Variants in CDH7 observed in about 807,000 individuals in gnomAD.
CDH7 encodes the protein cadherin 7.
Under a neutral mutation model 71.8 loss-of-function variants are expected in CDH7, and 25 were observed. The ratio of observed to expected loss-of-function variants is 0.35; its 90% CI spans 0.25 to 0.49. The LOEUF (loss-of-function observed/expected upper bound fraction) is 0.49. Among genes scored for constraint, CDH7 ranks in the 20% least tolerant of loss-of-function variants. The pLI, the probability that CDH7 is intolerant of heterozygous loss-of-function variation, is 0.99. For missense variants in CDH7, 862 were observed against 974.6 expected, an observed-to-expected ratio of 0.88 and a Z score of 1.54; for synonymous variants, 381 against 363.8, an observed-to-expected ratio of 1.05 and a Z score of -0.54.
At chr18:65,815,749 A>G (rs1256852833) in intron 4 of CDH7, among the ~76,000 whole-genome samples, 1 of 152,196 alleles carries the variant, frequency 6.6e-6, no homozygotes, top group Non-Finnish European at 1.5e-5. Flanking sequence ...GGAGAAGTAA[A>G]TGAAAGTATT....
At chr18:65,843,414 C>T (rs1351533550) in intron 6 of CDH7, among the ~76,000 whole-genome samples, 2 of 152,012 alleles carry the variant, frequency 1.3e-5, no homozygotes, top group African/African-American at 4.8e-5. Flanking sequence ...ATGAGAAATT[C>T]AATAGAAAGT....
chr18:65,814,652 G>C, intron 4 of CDH7, 48 bp downstream of exon 4: 21 of 1,539,398 alleles, frequency 1.4e-5, no homozygotes, highest in Non-Finnish European at 1.9e-5. Context: ...TTTGTTTGCT[G>C]CTTAGAATTA....
At chr18:65,760,193 T>A (rs1222044572) in intron 1 of CDH7, among the ~76,000 whole-genome samples, 2 of 152,214 alleles carry the variant, frequency 1.3e-5, no homozygotes, top group African/African-American at 4.8e-5. Context: ...ACTATTTTTA[T>A]CATCTCATGA....
chr18:65,843,081 T>C (rs1177019666), intron 6 of CDH7, among the ~76,000 whole-genome samples: 1 of 152,200 alleles, frequency 6.6e-6, no homozygotes, highest in Non-Finnish European at 1.5e-5. Context: ...ACTAGTTTAA[T>C]TGTCCTTACA....
chr18:65,816,718 C>T (rs1911736597), intron 4 of CDH7, among the ~76,000 whole-genome samples: 2 of 152,100 alleles, frequency 1.3e-5, no homozygotes, highest in African/African-American at 4.8e-5. Context: ...GTCAATTTCT[C>T]CTTCCCCCAA....
rs761755570 is a variant in CDH7 at position 65,763,592 on chromosome 18, GGGGTGTGTGTGTGTGTGTGT to G, written c.210+542_210+561del. Among the ~76,000 whole-genome samples the G allele has an allele frequency of 3.0e-3, 395 of 131,104 alleles. 3 individuals are homozygous for G. The highest frequency in any genetic ancestry group is 5.3e-3 in the Non-Finnish European group (314 of 59,184). 86.0% of individuals were successfully genotyped at this position (131,104 alleles called of 152,430 possible). A position where few individuals can be genotyped will look rare whatever the true frequency, so the allele number is the denominator to read the frequency against. On this transcript the variant is annotated intron_variant, in intron 2 of 11. Transcript: ENST00000397968. ...TTCTTAGCAGTCTTGTTTTGATAGG[GGGGTGTGTGTGTGTGTGTGT>G]GTGTGTGTGTGTGTGTGTGTTAGGT...
intron 1 of CDH7, among the ~76,000 whole-genome samples, chr18:65,760,334 T>C (rs537593605): frequency 6.6e-6 from 1 of 152,304 alleles, no homozygotes; most frequent in East Asian, 1.9e-4. Flanking sequence ...AAGACATGAC[T>C]GACCCAGAAT....
intron 2 of CDH7, among the ~76,000 whole-genome samples, chr18:65,797,789 C>G (rs1377784525): frequency 6.6e-6 from 1 of 152,156 alleles, no homozygotes; most frequent in East Asian, 1.9e-4. Context: ...TATTTTCCCT[C>G]TTTTATAGCT....
chr18:65,819,428 C>G (rs1388853158), intron 4 of CDH7, among the ~76,000 whole-genome samples: 1 of 152,144 alleles, frequency 6.6e-6, no homozygotes, highest in Non-Finnish European at 1.5e-5. Context: ...TGAATTCTTT[C>G]TTGGGCAAAG....
At chr18:65,866,644 C>T (rs1353756252) in intron 11 of CDH7, among the ~76,000 whole-genome samples, 1 of 152,132 alleles carries the variant, frequency 6.6e-6, no homozygotes, top group Non-Finnish European at 1.5e-5. Flanking sequence ...TCCTTATTCT[C>T]AATCACTGAT....
chr18:65,856,719 G>A lies in CDH7; in HGVS notation c.1236-1097G>A, dbSNP rs56268429. 1.6e-4 allele frequency among the ~76,000 whole-genome samples: 25 copies of A among 151,986 alleles called. No individual in the cohort carries two copies. The South Asian group carries it at 2.7e-3, about 16-fold the overall frequency. On this transcript the variant is annotated intron_variant, in intron 7 of 11. Coordinates refer to ENST00000397968, the MANE Select transcript of CDH7 (RefSeq NM_004361.5). ...GTGTTTTTTTCCTGTTTGTTCTTTC[G>A]TTCATTTGTTCGTTTAATTGTTTGT...
At chr18:65,773,396 T>A (rs187212782) in intron 2 of CDH7, among the ~76,000 whole-genome samples, 1 of 152,280 alleles carries the variant, frequency 6.6e-6, no homozygotes, top group Non-Finnish European at 1.5e-5. Flanking sequence ...TGTCTTGGGC[T>A]TTGAAACTCA....
chr18:65,809,026 A>G (rs1017654362), intron 2 of CDH7, among the ~76,000 whole-genome samples: 4 of 152,200 alleles, frequency 2.6e-5, no homozygotes, highest in African/African-American at 9.6e-5. Context: ...TTGATCATGC[A>G]AATCTAATGC....
chr18:65,772,887 A>G, intron 2 of CDH7, among the ~76,000 whole-genome samples: 1 of 152,162 alleles, frequency 6.6e-6, no homozygotes, highest in East Asian at 1.9e-4. Flanking sequence ...CGATCCAATT[A>G]AGATTTCACA....
chr18:65,823,128 A>G (rs1014803276), intron 5 of CDH7, among the ~76,000 whole-genome samples: 18 of 151,920 alleles, frequency 1.2e-4, no homozygotes, highest in Admixed American at 6.6e-5. Context: ...CTGAGCAAAT[A>G]CAAGTGTCAC....
At chr18:65,776,682 G>A (rs911632822) in intron 2 of CDH7, among the ~76,000 whole-genome samples, 3 of 151,788 alleles carry the variant, frequency 2.0e-5, no homozygotes, top group Non-Finnish European at 2.9e-5. Flanking sequence ...TTGAATCATC[G>A]AATTCATTGA....
chr18:65,751,984 C>A (rs1915894614), intron 1 of CDH7, among the ~76,000 whole-genome samples: 1 of 152,184 alleles, frequency 6.6e-6, no homozygotes, highest in East Asian at 1.9e-4. Context: ...GTTCACCCAG[C>A]ACTGGGCAAA....
intron 7 of CDH7, among the ~76,000 whole-genome samples, chr18:65,849,397 T>C (rs1306868766): frequency 1.4e-5 from 2 of 143,612 alleles, no homozygotes; most frequent in African/African-American, 2.7e-5. Flanking sequence ...TTCTTTTCTT[T>C]TCTTTTCTTT....
chr18:65,832,565 T>C (rs1405507789), intron 6 of CDH7, among the ~76,000 whole-genome samples: 2 of 152,000 alleles, frequency 1.3e-5, no homozygotes, highest in Non-Finnish European at 2.9e-5. Flanking sequence ...ATAGTTTAAA[T>C]ATAAAAATGA....
Sources: allele counts gnomAD v4.1 joint callset (sites outside exome capture counted in the v4.1 genomes callset), GRCh38; gene constraint gnomAD v4.1.1; transcripts MANE v1.5; gene names NCBI Gene and HGNC (gene_info 2026-07-23, HGNC 2026-07-21).